Variants in NAALADL2 observed in about 807,000 individuals in gnomAD.
NAALADL2 encodes the protein inactive N-acetylated-alpha-linked acidic dipeptidase-like protein 2.
In NAALADL2, 76 loss-of-function variants were observed where a neutral mutation model predicts 87.2. The ratio of observed to expected loss-of-function variants is 0.87; its 90% CI spans 0.72 to 1.05. The LOEUF (loss-of-function observed/expected upper bound fraction) is 1.05, where lower values mean the gene tolerates loss of function less well. Among genes scored for constraint, NAALADL2 ranks in the 50% least tolerant of loss-of-function variants. The pLI, the probability that NAALADL2 is intolerant of heterozygous loss-of-function variation, is 0.00. For missense variants in NAALADL2, 1,089 were observed against 945.8 expected (o/e 1.15, Z -1.99); for synonymous variants, 354 against 331.0 (o/e 1.07, Z -0.75).
intron 10 of NAALADL2, among the ~76,000 whole-genome samples, chr3:175,615,365 A>T (rs1433474164): frequency 6.6e-6 from 1 of 152,130 alleles, no homozygotes; most frequent in East Asian, 1.9e-4. Flanking sequence ...TTCTGAAAAA[A>T]ATTGTTTGAT....
intron 9 of NAALADL2, among the ~76,000 whole-genome samples, chr3:175,518,758 G>A (rs564126836): frequency 6.6e-6 from 1 of 152,270 alleles, no homozygotes; most frequent in South Asian, 2.1e-4. Context: ...CCATTCATGA[G>A]GGCAGAACCT....
intron 2 of NAALADL2, among the ~76,000 whole-genome samples, chr3:174,594,027 A>C (rs1243174444): frequency 6.6e-6 from 1 of 152,192 alleles, no homozygotes; most frequent in East Asian, 1.9e-4. Flanking sequence ...GTTCCAGAAT[A>C]CAGATGTCTA....
At chr3:175,207,505 A>G (rs957297078) in intron 2 of NAALADL2, among the ~76,000 whole-genome samples, 2 of 152,100 alleles carry the variant, frequency 1.3e-5, no homozygotes, top group Non-Finnish European at 2.9e-5. Flanking sequence ...TTAGACATTC[A>G]TAAAGCAAAA....
chr3:175,282,567 T>C (rs1754444314), intron 4 of NAALADL2, among the ~76,000 whole-genome samples: 1 of 152,060 alleles, frequency 6.6e-6, no homozygotes, highest in Admixed American at 6.6e-5. Flanking sequence ...CTTCAAATTC[T>C]CACCTATCTA....
chr3:175,660,593 A>C (rs1560931644), intron 11 of NAALADL2, among the ~76,000 whole-genome samples: 1 of 152,102 alleles, frequency 6.6e-6, no homozygotes, highest in East Asian at 1.9e-4. Context: ...GTACTATCAG[A>C]TACTAGAACA....
At chr3:174,613,036 G>A (rs1720086386) in intron 2 of NAALADL2, among the ~76,000 whole-genome samples, 2 of 152,196 alleles carry the variant, frequency 1.3e-5, no homozygotes, top group South Asian at 4.1e-4. Context: ...GGTTCTTGCA[G>A]ACTTATACAG....
chr3:175,064,971 A>G (rs1180426442), intron 1 of NAALADL2, among the ~76,000 whole-genome samples: 1 of 152,178 alleles, frequency 6.6e-6, no homozygotes, highest in African/African-American at 2.4e-5. Flanking sequence ...TCATCTAATC[A>G]CTTATTGATT....
intron 3 of NAALADL2, among the ~76,000 whole-genome samples, chr3:174,846,864 A>G (rs1338816990): frequency 1.3e-5 from 2 of 152,140 alleles, no homozygotes; most frequent in African/African-American, 4.8e-5. Context: ...TAGGAAGACC[A>G]CTATAGGAGA....
In NAALADL2 at chr3:174,569,264, G is replaced by A. The variant is rs193171994; in HGVS notation, c.-115+18627G>A. Among the ~76,000 whole-genome samples the A allele has an allele frequency of 2.4e-3, 366 of 151,828 alleles. 1 individual carries two copies. Among genetic ancestry groups the A allele is most frequent in the Non-Finnish European group, 3.8e-3 (255 of 67,820 alleles). On this transcript the variant is annotated intron_variant, in intron 2 of 3. Coordinates refer to the NAALADL2 transcript ENST00000434257. ...TATAAGAAATAATGCTTTTAATAAGGAGACTCGATCCAAGGACATTATTAA... is the reference window on the plus strand; with the variant it reads ...TATAAGAAATAATGCTTTTAATAAGAAGACTCGATCCAAGGACATTATTAA...
At chr3:175,447,002 A>G (rs1052439306) in intron 5 of NAALADL2, among the ~76,000 whole-genome samples, 2 of 152,176 alleles carry the variant, frequency 1.3e-5, no homozygotes, top group African/African-American at 4.8e-5. Context: ...GCATATGTGC[A>G]ATCTGCCATC....
chr3:175,432,418 A>C (rs1265528853), intron 5 of NAALADL2, among the ~76,000 whole-genome samples: 1 of 152,050 alleles, frequency 6.6e-6, no homozygotes, highest in East Asian at 1.9e-4. Context: ...TTATCTTCTT[A>C]AAACTCCATA....
At chr3:175,316,267 A>G (rs1324646578) in intron 4 of NAALADL2, among the ~76,000 whole-genome samples, 1 of 152,172 alleles carries the variant, frequency 6.6e-6, no homozygotes, top group Non-Finnish European at 1.5e-5. Flanking sequence ...CAGTTCAAGT[A>G]AAAGGAGTAC....
At chr3:174,835,261 A>C (rs1263976825) in intron 3 of NAALADL2, among the ~76,000 whole-genome samples, 1 of 152,100 alleles carries the variant, frequency 6.6e-6, no homozygotes, top group African/African-American at 2.4e-5. Context: ...AATGGGGAAA[A>C]GACAGCCGTT....
chr3:174,923,241 G>C (rs901879328), intron 1 of NAALADL2, among the ~76,000 whole-genome samples: 2 of 152,104 alleles, frequency 1.3e-5, no homozygotes, highest in Non-Finnish European at 1.5e-5. Context: ...ATAAAGTGTA[G>C]TTAGTAGCTC....
chr3:174,529,827 C>T (rs1008248497), intron 1 of NAALADL2, among the ~76,000 whole-genome samples: 6 of 152,246 alleles, frequency 3.9e-5, no homozygotes, highest in Middle Eastern at 3.4e-3. Context: ...CATCAAATCC[C>T]TAAACTGCAC....
chr3:174,830,375 T>C (rs1370038674), intron 3 of NAALADL2, among the ~76,000 whole-genome samples: 1 of 152,180 alleles, frequency 6.6e-6, no homozygotes, highest in African/African-American at 2.4e-5. Context: ...AAACAGGGAA[T>C]CCTTCATTGC....
chr3:174,659,204 C>G (rs1002621783), intron 2 of NAALADL2, among the ~76,000 whole-genome samples: 24 of 152,116 alleles, frequency 1.6e-4, no homozygotes, highest in African/African-American at 5.8e-4. Flanking sequence ...TTAAATTTTT[C>G]TTGGAACTAG....
chr3:175,371,294 TA>T (rs1270215893), intron 5 of NAALADL2, among the ~76,000 whole-genome samples: 1 of 151,914 alleles, frequency 6.6e-6, no homozygotes, highest in Non-Finnish European at 1.5e-5. Flanking sequence ...TGAGACGGAG[TA>T]CTCGCTCTTT....
At chr3:174,729,404 CTGTT>C (rs1560177529) in intron 2 of NAALADL2, among the ~76,000 whole-genome samples, 1 of 152,010 alleles carries the variant, frequency 6.6e-6, no homozygotes, top group Non-Finnish European at 1.5e-5. Flanking sequence ...CAAGGACACA[CTGTT>C]AGTAAGTAGC....
Sources: gnomAD v4.1 joint callset for allele counts (sites outside exome capture counted in the v4.1 genomes callset) on GRCh38, gnomAD v4.1.1 for gene constraint, MANE v1.5 for transcripts, NCBI Gene and HGNC (gene_info 2026-07-23, HGNC 2026-07-21) for gene names.